The following RANBP17 variants were observed in gnomAD, a reference collection of about 807,000 sequenced individuals.
RANBP17 encodes ran-binding protein 17.
A neutral mutation model predicts 141.2 loss-of-function variants in RANBP17; 158 were observed. The ratio of observed to expected loss-of-function variants is 1.12; its 90% CI spans 0.98 to 1.28. The LOEUF (loss-of-function observed/expected upper bound fraction) is 1.28. Among genes scored for constraint, RANBP17 ranks in the 50% most tolerant of loss-of-function variants. The probability of loss-of-function intolerance (pLI) is 0.00; values close to 1 mark genes in which losing one functional copy is unlikely to be tolerated. For missense variants in RANBP17, 1,438 were observed against 1,290.7 expected, an observed-to-expected ratio of 1.11 and a Z score of -1.75; for synonymous variants, 430 against 450.0, an observed-to-expected ratio of 0.96 and a Z score of 0.56.
intron 14 of RANBP17, among the ~76,000 whole-genome samples, chr5:171,022,265 A>G (rs1780914674): frequency 6.6e-6 from 1 of 152,154 alleles, no homozygotes. Context: ...GGAGGGACTC[A>G]CCCAGTTGGG....
chr5:171,273,864 T>C (rs1344076885), intron 25 of RANBP17, among the ~76,000 whole-genome samples: 1 of 152,174 alleles, frequency 6.6e-6, no homozygotes, highest in Non-Finnish European at 1.5e-5. Flanking sequence ...GATGTAGTTA[T>C]TTTGATTTTA....
chr5:170,964,112 C>T (rs1400898218), intron 13 of RANBP17, among the ~76,000 whole-genome samples: 35 of 152,062 alleles, frequency 2.3e-4, no homozygotes, highest in Admixed American at 2.3e-3. Context: ...TATATAGACA[C>T]TCTTATGGAG....
rs187855912 is a variant in RANBP17 at position 170,994,192 on chromosome 5, A to G, written c.1710+25815A>G. Among the ~76,000 whole-genome samples, 719 of 152,102 alleles carry G rather than the reference A, an allele frequency of 4.7e-3. 4 individuals are homozygous for G. The highest frequency in any genetic ancestry group is 0.017 in the African/African-American group (697 of 41,516). On this transcript the variant is annotated intron_variant, in intron 14 of 27. Transcript: ENST00000523189. ...CTTGCCTTAGGTCATACAGCTGTAG[A>G]CTCAGTTTGGAACTCAAAGCTTTTC... is the stretch of plus-strand genomic sequence containing the variant.
chr5:170,947,013 T>G (rs1774824947), intron 12 of RANBP17, among the ~76,000 whole-genome samples: 1 of 152,200 alleles, frequency 6.6e-6, no homozygotes, highest in African/African-American at 2.4e-5. Context: ...AGCAGGTGAC[T>G]GAGAGTATTG....
intron 25 of RANBP17, among the ~76,000 whole-genome samples, chr5:171,274,977 T>C (rs1026633932): frequency 3.3e-5 from 5 of 152,106 alleles, no homozygotes; most frequent in African/African-American, 1.2e-4. Flanking sequence ...GGAACCCCCT[T>C]CCCAACCCCC....
At chr5:171,040,863 T>C (rs1782205230) in intron 14 of RANBP17, among the ~76,000 whole-genome samples, 1 of 152,168 alleles carries the variant, frequency 6.6e-6, no homozygotes, top group Admixed American at 6.5e-5. Context: ...ACTTAGAAGT[T>C]TTAGGAAAAA....
intron 14 of RANBP17, among the ~76,000 whole-genome samples, chr5:171,035,591 T>C (rs1464286672): frequency 2.0e-5 from 3 of 150,898 alleles, no homozygotes; most frequent in Non-Finnish European, 3.0e-5. Flanking sequence ...GGCTTTATTA[T>C]CTTCCCCATT....
chr5:171,283,903 T>C (rs1407179618), intron 25 of RANBP17, among the ~76,000 whole-genome samples: 19 of 152,260 alleles, frequency 1.2e-4, no homozygotes, highest in Admixed American at 1.2e-3. Context: ...TCTTGGTCTC[T>C]CTCACAGTCT....
At chr5:170,889,914 G>C (rs1769459381) in intron 3 of RANBP17, among the ~76,000 whole-genome samples, 1 of 152,112 alleles carries the variant, frequency 6.6e-6, no homozygotes, top group African/African-American at 2.4e-5. Flanking sequence ...CATTCTTATA[G>C]TTTGTGTAAA....
At chr5:171,268,398 A>C (rs1205680927) in intron 25 of RANBP17, among the ~76,000 whole-genome samples, 17 of 152,192 alleles carry the variant, frequency 1.1e-4, no homozygotes. Context: ...TAGAGTTGGA[A>C]TTTGAAGCAA....
Position 171,199,210 on chromosome 5 carries a change from A to T in RANBP17, c.2039-460A>T, listed in dbSNP as rs1464026780. Among the ~76,000 whole-genome samples, 49 of 152,210 alleles carry T rather than the reference A, an allele frequency of 3.2e-4. 1 individual carries two copies. Among genetic ancestry groups the T allele is most frequent in the Admixed American group, 3.2e-3 (49 of 15,290 alleles). ...TTCCCTGCCATTTATTTGATAAATT[A>T]ATTAAAAAGAACATAAATAAAAGAG... On this transcript the variant is annotated intron_variant, in intron 18 of 27. Transcript: ENST00000523189.
chr5:170,963,759 T>A (rs1446798312), intron 13 of RANBP17, among the ~76,000 whole-genome samples: 3 of 152,200 alleles, frequency 2.0e-5, no homozygotes, highest in African/African-American at 7.2e-5. Context: ...GCAGCCTGGT[T>A]CCTAACAGGC....
intron 24 of RANBP17, among the ~76,000 whole-genome samples, chr5:171,247,612 A>G (rs139445812): frequency 8.5e-5 from 13 of 152,336 alleles, no homozygotes; most frequent in South Asian, 4.1e-4. Context: ...ATTTCATGCT[A>G]TCTTTTTAAT....
At chr5:170,882,296 A>G (rs1438731262) in intron 3 of RANBP17, among the ~76,000 whole-genome samples, 1 of 152,010 alleles carries the variant, frequency 6.6e-6, no homozygotes, top group East Asian at 1.9e-4. Context: ...TGGCCAGGAT[A>G]GTCTTGATCT....
chr5:170,942,803 T>C (rs543450480), intron 12 of RANBP17, among the ~76,000 whole-genome samples: 18 of 152,302 alleles, frequency 1.2e-4, no homozygotes, highest in African/African-American at 4.3e-4. Flanking sequence ...ACAGATTCAG[T>C]TGGAAAAGAC....
chr5:171,082,626 A>T (rs550483063), intron 14 of RANBP17, among the ~76,000 whole-genome samples: 4 of 152,310 alleles, frequency 2.6e-5, no homozygotes, highest in African/African-American at 9.6e-5. Flanking sequence ...TTCTGGTCAC[A>T]TAAATTGGAA....
intron 14 of RANBP17, among the ~76,000 whole-genome samples, chr5:171,046,108 A>C: frequency 6.6e-6 from 1 of 152,084 alleles, no homozygotes; most frequent in South Asian, 2.1e-4. Context: ...AGTAAATATA[A>C]ATTATCTGCC....
chr5:171,182,005 T>A (rs888606074), intron 16 of RANBP17, among the ~76,000 whole-genome samples: 5 of 152,208 alleles, frequency 3.3e-5, no homozygotes, highest in African/African-American at 1.2e-4. Flanking sequence ...CAAGCCTAGG[T>A]CTCCTGACTC....
At chr5:171,106,389 A>G (rs1160805282) in intron 14 of RANBP17, among the ~76,000 whole-genome samples, 1 of 152,178 alleles carries the variant, frequency 6.6e-6, no homozygotes. Flanking sequence ...TGAGAGCAAC[A>G]TGTTTGAGGA....
Sources: gnomAD v4.1 joint callset for allele counts (sites outside exome capture counted in the v4.1 genomes callset) on GRCh38, gnomAD v4.1.1 for gene constraint, MANE v1.5 for transcripts, NCBI Gene and HGNC (gene_info 2026-07-23, HGNC 2026-07-21) for gene names.